COQ5: variants seen among roughly 807,000 people sequenced by gnomAD.
COQ5 encodes the protein 2-methoxy-6-polyprenyl-1,4-benzoquinol methylase, mitochondrial.
A neutral mutation model predicts 40.5 loss-of-function variants in COQ5; 27 were observed. The ratio of observed to expected loss-of-function variants is 0.67; its 90% CI spans 0.49 to 0.92. The LOEUF (loss-of-function observed/expected upper bound fraction) is 0.92, where lower values mean the gene tolerates loss of function less well. Among genes scored for constraint, COQ5 ranks in the 40% least tolerant of loss-of-function variants. The pLI, the probability that COQ5 is intolerant of heterozygous loss-of-function variation, is 0.00. For synonymous variants in COQ5, 141 were observed against 150.0 expected, an observed-to-expected ratio of 0.94 and a Z score of 0.44; for missense variants, 409 against 406.4, an observed-to-expected ratio of 1.01 and a Z score of -0.06.
At chr12:120,506,855 A>G (rs1173577891) in intron 4 of COQ5, among the ~76,000 whole-genome samples, 1 of 151,668 alleles carries the variant, frequency 6.6e-6, no homozygotes, top group Non-Finnish European at 1.5e-5. Context: ...TTTTTTTGAG[A>G]TGGAGTCTTG....
chr12:120,519,882 A>C (rs969493783), intron 2 of COQ5, among the ~76,000 whole-genome samples: 1 of 151,760 alleles, frequency 6.6e-6, no homozygotes, highest in Non-Finnish European at 1.5e-5. Context: ...AAAAAAAAAA[A>C]AAAAAAAAAG....
intron 3 of COQ5, among the ~76,000 whole-genome samples, chr12:120,511,640 GA>G: frequency 6.6e-6 from 1 of 152,110 alleles, no homozygotes. Flanking sequence ...AAAGCAAAAA[GA>G]GAAAGGTTGC....
At position 120,526,698 on chromosome 12, in the gene COQ5, ATTTTTTTTTTTTTTTTT is replaced by A. The variant is rs61584250; in HGVS notation, c.202+2225_202+2241del. 2.7e-4 allele frequency among the ~76,000 whole-genome samples: 17 copies of A among 64,150 alleles called. No homozygotes were observed. The East Asian group carries it at 2.7e-3, about 10-fold the overall frequency. The allele number at this position is 64,150 out of a possible 152,430, so 42.1% of individuals were successfully genotyped here. On this transcript the variant is annotated intron_variant, in intron 1 of 6. Transcript: ENST00000288532. ...AATAGTGCTCAAACTACTCTTGGCAATTTTTTTTTTTTTTTTTTTTTTTTTTTTTTTTTTGAGACAGA... is the reference window on the plus strand; with the variant it reads ...AATAGTGCTCAAACTACTCTTGGCAATTTTTTTTTTTTTTTTTGAGACAGA...
At chr12:120,519,509 G>A (rs1236825728) in intron 2 of COQ5, among the ~76,000 whole-genome samples, 1 of 151,986 alleles carries the variant, frequency 6.6e-6, no homozygotes, top group East Asian at 1.9e-4. Flanking sequence ...GCAGTGTGCC[G>A]AGATCATGCC....
rs1253833190 is a variant in COQ5 at position 120,503,352 on chromosome 12, T to A, written c.*432A>T. ...TTAATACTCTGACTTGGGCCTAGAC[T>A]TCGTCCTAGGCTGAAAGGTTGATTC... On this transcript the variant is annotated 3_prime_UTR_variant, in exon 7 of 7. Coordinates refer to ENST00000288532, the MANE Select transcript of COQ5 (RefSeq NM_032314.4). 5.6e-6 allele frequency: 2 copies of A among 356,882 alleles called. No individual in the cohort carries two copies. The allele number at this position is 356,882 out of a possible 1,614,324, so 22.1% of individuals were successfully genotyped here.
chr12:120,522,208 C>T lies in COQ5; in HGVS notation c.352+6G>A, dbSNP rs1382312400. ...TGGTAGTGAAGGATACCAAACTCGA[C>T]ATTACCTGTGCCTCCAGCAACATCA... On this transcript the variant is annotated splice_donor_region_variant and intron_variant, in intron 2 of 6. Transcript: ENST00000288532. The T allele has an allele frequency of 6.2e-7, 1 of 1,614,140 alleles. No individual in the cohort carries two copies. Among genetic ancestry groups the T allele is most frequent in the Non-Finnish European group, 8.5e-7 (1 of 1,180,010 alleles).
At chr12:120,519,526 C>G (rs997836542) in intron 2 of COQ5, among the ~76,000 whole-genome samples, 2 of 151,972 alleles carry the variant, frequency 1.3e-5, no homozygotes. Context: ...TGCCATTGCA[C>G]TCCAGCCGGG....
At position 120,516,793 on chromosome 12, in the gene COQ5, G is replaced by C. The variant is rs757037960; in HGVS notation, c.353-5C>G. On this transcript the variant is annotated splice_region_variant and splice_polypyrimidine_tract_variant and intron_variant, in intron 2 of 6. Coordinates refer to ENST00000288532, the MANE Select transcript of COQ5 (RefSeq NM_032314.4). Reference sequence around the variant, plus strand: ...GGAACCGGAATGCAATGTCACCTGTGGGAAGCCAACATGAGGAAAGATGCA... The same window carrying C: ...GGAACCGGAATGCAATGTCACCTGTCGGAAGCCAACATGAGGAAAGATGCA... 1.2e-6 allele frequency: 2 copies of C among 1,612,408 alleles called. No individual in the cohort carries two copies. Among genetic ancestry groups the C allele is most frequent in the South Asian group, 2.2e-5 (2 of 91,056 alleles).
intron 3 of COQ5, 33 bp from the exon 4 acceptor site, chr12:120,510,156 T>C: frequency 2.0e-6 from 3 of 1,533,446 alleles, no homozygotes; most frequent in Non-Finnish European, 2.7e-6. Flanking sequence ...GGTCTCAGTG[T>C]GGGTAGCTGT....
At chr12:120,509,768 T>G in intron 4 of COQ5, 1 of 447,574 alleles carries the variant, frequency 2.2e-6, no homozygotes, top group Admixed American at 3.4e-5. Context: ...AAAAAAAATC[T>G]ATCTATCTCT....
At chr12:120,525,622 G>A (rs1869898074) in intron 1 of COQ5, among the ~76,000 whole-genome samples, 1 of 151,928 alleles carries the variant, frequency 6.6e-6, no homozygotes. Flanking sequence ...GTGAGAACTT[G>A]TCTCAAAAAT....
At chr12:120,504,822 C>G in intron 5 of COQ5, 73 bp downstream of exon 5, 1 of 1,267,612 alleles carries the variant, frequency 7.9e-7, no homozygotes, top group Non-Finnish European at 1.2e-6. Flanking sequence ...AGCTTACTGG[C>G]TATTTTCAAT....
intron 2 of COQ5, 23 bp downstream of exon 2, chr12:120,522,191 A>T (rs772277790): frequency 1.9e-6 from 3 of 1,613,936 alleles, no homozygotes; most frequent in Non-Finnish European, 2.5e-6. Flanking sequence ...AATGGTAGTG[A>T]AGGATACCAA....
Position 120,520,562 on chromosome 12 carries a change from G to A in COQ5, c.352+1652C>T, listed in dbSNP as rs184965122. Among the ~76,000 whole-genome samples, 358 of 152,126 alleles carry A rather than the reference G, an allele frequency of 2.4e-3. 3 individuals carry two copies. The highest frequency in any genetic ancestry group is 8.0e-3 in the African/African-American group (334 of 41,506). On this transcript the variant is annotated intron_variant, in intron 2 of 6. Transcript: ENST00000288532. Reference sequence around the variant, plus strand: ...GATGGTTTCGATCTCTTGACCTCATGATCCGACCGCCTCGGGCTCCCAAAG... The same window carrying A: ...GATGGTTTCGATCTCTTGACCTCATAATCCGACCGCCTCGGGCTCCCAAAG...
At chr12:120,520,079 A>G (rs1437095211) in intron 2 of COQ5, among the ~76,000 whole-genome samples, 3 of 151,712 alleles carry the variant, frequency 2.0e-5, no homozygotes, top group African/African-American at 7.2e-5. Context: ...ACATTACTCT[A>G]TCGTTACTAA....
intron 1 of COQ5, chr12:120,523,279 G>A (rs1374567522): frequency 4.8e-6 from 1 of 208,354 alleles, no homozygotes; most frequent in African/African-American, 2.3e-5. Flanking sequence ...GGAGCTTGCA[G>A]TGAGCCGAGA....
At position 120,503,418 on chromosome 12, in the gene COQ5, T is replaced by A; in HGVS notation, c.*366A>T. ...TTCTGGTTAAAAATTGTCATTGGGT[T>A]CAAATGATCTATCATCCCTCTAGAA... On this transcript the variant is annotated 3_prime_UTR_variant, in exon 7 of 7. Coordinates refer to ENST00000288532, the MANE Select transcript of COQ5 (RefSeq NM_032314.4). 2.6e-6 allele frequency: 1 copy of A among 383,348 alleles called. No homozygotes were observed. The highest frequency in any genetic ancestry group is 5.1e-6 in the Non-Finnish European group (1 of 197,454). The allele number at this position is 383,348 out of a possible 1,614,324, so 23.7% of individuals were successfully genotyped here.
intron 2 of COQ5, among the ~76,000 whole-genome samples, chr12:120,517,021 G>T (rs1426205704): frequency 6.6e-6 from 1 of 151,932 alleles, no homozygotes; most frequent in African/African-American, 2.4e-5. Context: ...GTGTGAACGT[G>T]GAAGTTTCTA....
intron 1 of COQ5, among the ~76,000 whole-genome samples, chr12:120,526,126 G>A (rs1593027030): frequency 6.6e-6 from 1 of 152,138 alleles, no homozygotes; most frequent in East Asian, 1.9e-4. Context: ...GTAAATAACA[G>A]ATACACAACA....
Sources: gnomAD v4.1 joint callset for allele counts (sites outside exome capture counted in the v4.1 genomes callset) on GRCh38, gnomAD v4.1.1 for gene constraint, MANE v1.5 for transcripts, NCBI Gene and HGNC (gene_info 2026-07-23, HGNC 2026-07-21) for gene names.